The following DPP10 variants were observed in gnomAD, a reference collection of about 807,000 sequenced individuals.
DPP10 encodes inactive dipeptidyl peptidase 10.
A neutral mutation model predicts 120.9 loss-of-function variants in DPP10; 33 were observed. The ratio of observed to expected loss-of-function variants is 0.27; its 90% CI spans 0.21 to 0.37. DPP10 has a LOEUF of 0.37. Ranked by LOEUF, DPP10 falls within the 10% of genes least tolerant of loss-of-function variation. The pLI, the probability that DPP10 is intolerant of heterozygous loss-of-function variation, is 1.00. For missense variants in DPP10, 816 were observed against 942.8 expected (o/e 0.87, Z 1.76); for synonymous variants, 337 against 326.1 (o/e 1.03, Z -0.36).
chr2:115,453,371 A>G (rs1227927377), intron 3 of DPP10, among the ~76,000 whole-genome samples: 1 of 151,534 alleles, frequency 6.6e-6, no homozygotes, highest in African/African-American at 2.4e-5. Context: ...TTCTTAGAAT[A>G]AACAAAATCA....
At chr2:114,499,987 T>C (rs1323719169) in intron 1 of DPP10, among the ~76,000 whole-genome samples, 1 of 152,236 alleles carries the variant, frequency 6.6e-6, no homozygotes, top group Admixed American at 6.5e-5. Flanking sequence ...TCATCTGTTG[T>C]CACCTCCTCT....
intron 2 of DPP10, among the ~76,000 whole-genome samples, chr2:115,329,641 G>C (rs939158279): frequency 6.6e-5 from 10 of 152,112 alleles, no homozygotes; most frequent in Non-Finnish European, 1.5e-4. Context: ...CTGTGTCCAA[G>C]CGTTTTCATT....
At chr2:114,901,351 C>T (rs1394756125) in intron 1 of DPP10, among the ~76,000 whole-genome samples, 1 of 152,136 alleles carries the variant, frequency 6.6e-6, no homozygotes, top group Non-Finnish European at 1.5e-5. Context: ...GCACCTGCCA[C>T]CACACCTGGC....
chr2:114,957,820 GAGA>G (rs1308304449), intron 1 of DPP10, among the ~76,000 whole-genome samples: 12 of 152,188 alleles, frequency 7.9e-5, no homozygotes, highest in Admixed American at 7.9e-4. Flanking sequence ...GATGAACCTG[GAGA>G]AGATTATATT....
At chr2:115,776,465 T>G (rs778171696) in intron 13 of DPP10, among the ~76,000 whole-genome samples, 3 of 152,084 alleles carry the variant, frequency 2.0e-5, no homozygotes, top group Non-Finnish European at 4.4e-5. Flanking sequence ...TACGGCTGCA[T>G]AGTAGTCCAT....
intron 21 of DPP10, among the ~76,000 whole-genome samples, chr2:115,823,062 A>T (rs549996464): frequency 6.6e-6 from 1 of 152,160 alleles, no homozygotes; most frequent in African/African-American, 2.4e-5. Context: ...ATCTTATTAA[A>T]CAAATATCTT....
chr2:114,757,492 C>A (rs187011036), intron 1 of DPP10, among the ~76,000 whole-genome samples: 1 of 151,216 alleles, frequency 6.6e-6, no homozygotes, highest in Non-Finnish European at 1.5e-5. Context: ...CAGGCTGTGC[C>A]TTTGGCAGCT....
chr2:114,760,003 C>T lies in DPP10; in HGVS notation c.60+317165C>T, dbSNP rs140184752. 2.6e-5 allele frequency among the ~76,000 whole-genome samples: 4 copies of T among 152,276 alleles called. No individual in the cohort carries two copies. The East Asian group carries it at 5.8e-4, about 22-fold the overall frequency. On this transcript the variant is annotated intron_variant, in intron 1 of 25. Transcript: ENST00000410059. ...CTTCAATATTTCTTACTTCTTAAAT[C>T]GTCAAGTCACCCACTTCTCACCACC...
chr2:114,480,819 T>G (rs144363571), intron 1 of DPP10, among the ~76,000 whole-genome samples: 4,223 of 151,444 alleles, frequency 0.028, 188 homozygotes, highest in African/African-American at 0.098. Flanking sequence ...TAACAAACCT[T>G]CACGTTGTGC....
At chr2:114,914,715 C>T (rs1445798825) in intron 1 of DPP10, among the ~76,000 whole-genome samples, 1 of 152,106 alleles carries the variant, frequency 6.6e-6, no homozygotes, top group Non-Finnish European at 1.5e-5. Context: ...AACCTTAAAC[C>T]CAAATGGGCT....
intron 13 of DPP10, among the ~76,000 whole-genome samples, chr2:115,770,912 A>C (rs1355178946): frequency 2.0e-5 from 3 of 152,140 alleles, no homozygotes; most frequent in Non-Finnish European, 4.4e-5. Context: ...TTAAAGCATA[A>C]TATAGATTTG....
chr2:115,434,813 C>G lies in DPP10; in HGVS notation c.272-64697C>G, dbSNP rs1212741433. ...CCGCATTTTTGTAACCATTAACCAA[C>G]TTCTCTTCATCCCTCCCTCCCCAAT... On this transcript the variant is annotated intron_variant, in intron 3 of 25. Coordinates refer to ENST00000410059, the MANE Select transcript of DPP10 (RefSeq NM_020868.6). Among the ~76,000 whole-genome samples, 4 of 151,740 alleles carry G rather than the reference C, an allele frequency of 2.6e-5. No homozygotes were observed. The East Asian group carries it at 7.7e-4, about 29-fold the overall frequency.
At chr2:114,662,362 G>A (rs1368215979) in intron 1 of DPP10, among the ~76,000 whole-genome samples, 3 of 152,212 alleles carry the variant, frequency 2.0e-5, no homozygotes, top group South Asian at 2.1e-4. Context: ...GGGGAGCTCC[G>A]GAGCTGCAGA....
chr2:114,802,583 G>T (rs546931714), intron 1 of DPP10, among the ~76,000 whole-genome samples: 2 of 152,282 alleles, frequency 1.3e-5, no homozygotes, highest in African/African-American at 4.8e-5. Flanking sequence ...GCTGTTGAGT[G>T]TTGTGGGTCA....
intron 1 of DPP10, among the ~76,000 whole-genome samples, chr2:114,579,275 G>A (rs537390050): frequency 6.6e-6 from 1 of 152,314 alleles, no homozygotes; most frequent in African/African-American, 2.4e-5. Context: ...TATAAGTGAG[G>A]GAGTGGAGTG....
At chr2:114,929,894 T>C (rs147272169) in intron 1 of DPP10, among the ~76,000 whole-genome samples, 5,816 of 152,256 alleles carry the variant, frequency 0.038, 352 homozygotes, top group African/African-American at 0.13. Context: ...TAAGAAATTA[T>C]AAAAATATTA....
chr2:115,372,425 T>G (rs2065476708), intron 3 of DPP10, among the ~76,000 whole-genome samples: 1 of 152,260 alleles, frequency 6.6e-6, no homozygotes, highest in South Asian at 2.1e-4. Context: ...CTCTGCAGGT[T>G]TCATAGAATC....
intron 1 of DPP10, among the ~76,000 whole-genome samples, chr2:115,249,976 C>T (rs529257967): frequency 1.6e-4 from 25 of 152,244 alleles, no homozygotes; most frequent in Middle Eastern, 6.8e-3. Flanking sequence ...CTATGCAGTA[C>T]GCTGACCAAA....
intron 1 of DPP10, among the ~76,000 whole-genome samples, chr2:114,934,069 T>G (rs1451190460): frequency 6.6e-6 from 1 of 152,184 alleles, no homozygotes; most frequent in Non-Finnish European, 1.5e-5. Flanking sequence ...AATGTAGGGA[T>G]GTGGTAACAG....
Sources: allele counts gnomAD v4.1 joint callset (sites outside exome capture counted in the v4.1 genomes callset), GRCh38; gene constraint gnomAD v4.1.1; transcripts MANE v1.5; gene names NCBI Gene and HGNC (gene_info 2026-07-23, HGNC 2026-07-21).